The following SPNS3 variants were observed in gnomAD, a reference collection of about 807,000 sequenced individuals.
SPNS3 encodes SPNS lysolipid transporter 3, sphingosine-1-phosphate (putative).
SPNS3 carries 51 observed loss-of-function variants against 54.4 expected under a neutral mutation model. The observed-to-expected ratio is 0.94, with a 90% confidence interval of 0.75 to 1.18. The LOEUF is 1.18. Among genes scored for constraint, SPNS3 ranks in the 50% most tolerant of loss-of-function variants. The probability of loss-of-function intolerance (pLI) is 0.00; values close to 1 mark genes in which losing one functional copy is unlikely to be tolerated. For synonymous variants in SPNS3, 309 were observed against 294.7 expected, an observed-to-expected ratio of 1.05 and a Z score of -0.50; for missense variants, 669 against 677.4, an observed-to-expected ratio of 0.99 and a Z score of 0.14.
At chr17:4,464,548 G>C (rs893963883) in intron 8 of SPNS3, among the ~76,000 whole-genome samples, 3 of 152,186 alleles carry the variant, frequency 2.0e-5, no homozygotes, top group African/African-American at 7.2e-5. Context: ...CTTACCAGTT[G>C]TGTGACTTGT....
intron 8 of SPNS3, among the ~76,000 whole-genome samples, chr17:4,471,664 C>T (rs1347718002): frequency 1.3e-5 from 2 of 151,902 alleles, no homozygotes. Flanking sequence ...CAGGGTTTCA[C>T]CATGTTTCCC....
chr17:4,463,405 A>AC lies in SPNS3; in HGVS notation c.1113+10200_1113+10201insC, dbSNP rs1279886434. On this transcript the variant is annotated intron_variant, in intron 8 of 11. Transcript: ENST00000355530. The stretch of plus-strand genomic sequence containing the variant: ...AAGCAAGACTCTGTCTCAAAAAAAA[A>AC]AAAAAACAAAACAAAACAAAAAACC... Among the ~76,000 whole-genome samples the AC allele has an allele frequency of 6.8e-3, 973 of 143,250 alleles. 16 individuals are homozygous for AC. The highest frequency in any genetic ancestry group is 0.025 in the African/African-American group (925 of 37,384). The allele number at this position is 143,250 out of a possible 152,430, so 94.0% of individuals were successfully genotyped here.
chr17:4,456,017 A>G (rs1200094829), intron 8 of SPNS3, among the ~76,000 whole-genome samples: 3 of 151,934 alleles, frequency 2.0e-5, no homozygotes, highest in African/African-American at 7.3e-5. Context: ...GGCTCTCACT[A>G]TGTTGCTCAG....
chr17:4,468,511 T>C (rs1971745969), intron 8 of SPNS3, among the ~76,000 whole-genome samples: 1 of 151,554 alleles, frequency 6.6e-6, no homozygotes, highest in Non-Finnish European at 1.5e-5. Flanking sequence ...CCAGGGCGGC[T>C]CCAAGGTTTT....
chr17:4,453,291 TATGTACAATTATGTTG>T, intron 8 of SPNS3, 86 bp downstream of exon 8: 1 of 1,219,248 alleles, frequency 8.2e-7, no homozygotes, highest in Non-Finnish European at 1.1e-6. Context: ...GCCCGGCCTT[TATGTACAATTATGTTG>T]ATCACTCCTT....
In SPNS3 at chr17:4,445,433, T is replaced by C. The variant is rs561103356; in HGVS notation, c.402+265T>C. ...TCTTGTTGCCCAGGCTGGAGTGCAATGGCGTGATCTCGACTCACTGCAAAC... is the reference window on the plus strand; with the variant it reads ...TCTTGTTGCCCAGGCTGGAGTGCAACGGCGTGATCTCGACTCACTGCAAAC... On this transcript the variant is annotated intron_variant, in intron 3 of 11. Coordinates refer to ENST00000355530, the MANE Select transcript of SPNS3 (RefSeq NM_182538.5). Among the ~76,000 whole-genome samples the C allele has an allele frequency of 5.3e-5, 8 of 151,134 alleles. No homozygotes were observed. The East Asian group carries it at 1.2e-3, about 22-fold the overall frequency.
At chr17:4,447,701 G>T (rs1339222148) in intron 5 of SPNS3, among the ~76,000 whole-genome samples, 3 of 152,206 alleles carry the variant, frequency 2.0e-5, no homozygotes, top group African/African-American at 7.2e-5. Flanking sequence ...AAGGTGGGTA[G>T]TGAGATCCCC....
intron 8 of SPNS3, among the ~76,000 whole-genome samples, chr17:4,457,747 C>T (rs1053901930): frequency 6.8e-6 from 1 of 147,822 alleles, no homozygotes; most frequent in East Asian, 1.9e-4. Context: ...GCTGCCCCCC[C>T]CTCACCCCCT....
In SPNS3 at chr17:4,486,079, G is replaced by A. The variant is rs1972304037; in HGVS notation, c.1180-149G>A. The A allele has an allele frequency of 1.7e-6, 1 of 604,606 alleles. No homozygotes were observed. Among genetic ancestry groups the A allele is most frequent in the South Asian group, 2.6e-5 (1 of 37,910 alleles). The allele number at this position is 604,606 out of a possible 1,614,324, so 37.5% of individuals were successfully genotyped here. A position where few individuals can be genotyped will look rare whatever the true frequency, so the allele number is the denominator to read the frequency against. On this transcript the variant is annotated intron_variant, in intron 9 of 11. Coordinates refer to ENST00000355530, the MANE Select transcript of SPNS3 (RefSeq NM_182538.5). The surrounding 1 kb of genome is among the most constrained non-coding windows in gnomAD (Gnocchi z 5.5). ...TTGATGTCTTGATGTTCTGGGGTGG[G>A]ACTTTAGACCTTGGGGACCGTCGAC...
intron 8 of SPNS3, among the ~76,000 whole-genome samples, chr17:4,464,162 C>T (rs1971617166): frequency 6.6e-6 from 1 of 152,236 alleles, no homozygotes; most frequent in African/African-American, 2.4e-5. Context: ...TGGGGGAGCC[C>T]ATGCCCTGTG....
In SPNS3 at chr17:4,434,066, G is replaced by T. The variant is rs758639290; in HGVS notation, c.99G>T (p.Thr33=). ...GPGRQCPPPI[T]PTSWSLPPWR... is the part of the protein sequence containing the mutation. ...GCAGGCAGTGTCCCCCTCCCATCAC[G>T]CCCACCTCCTGGAGCCTGCCCCCGT... is the stretch of plus-strand genomic sequence containing the variant. The change falls in exon 1 of 12, where the codon ACG becomes ACT. Residue 33 remains threonine (T), a synonymous_variant. Coordinates refer to ENST00000355530, the MANE Select transcript of SPNS3 (RefSeq NM_182538.5). 6.8e-6 allele frequency: 11 copies of T among 1,610,956 alleles called. No individual in the cohort carries two copies. Among genetic ancestry groups the T allele is most frequent in the African/African-American group, 1.3e-5 (1 of 74,796 alleles).
intron 8 of SPNS3, among the ~76,000 whole-genome samples, chr17:4,469,198 A>AC (rs1971788806): frequency 6.6e-6 from 1 of 151,812 alleles, no homozygotes; most frequent in African/African-American, 2.4e-5. Flanking sequence ...GGATCCTCCC[A>AC]CCTCAGCCTT....
intron 2 of SPNS3, among the ~76,000 whole-genome samples, chr17:4,444,220 CTT>C (rs201580393): frequency 2.1e-5 from 3 of 146,222 alleles, no homozygotes; most frequent in African/African-American, 5.0e-5. Context: ...TATGCTTATT[CTT>C]TTTTTTTTTT....
At chr17:4,477,800 TG>T (rs1478850452) in intron 8 of SPNS3, among the ~76,000 whole-genome samples, 1 of 152,096 alleles carries the variant, frequency 6.6e-6, no homozygotes, top group Non-Finnish European at 1.5e-5. Context: ...GGGAAGGGGA[TG>T]GCCCGGAGGG....
chr17:4,443,672 G>A (rs1397470488), intron 2 of SPNS3, among the ~76,000 whole-genome samples: 1 of 152,238 alleles, frequency 6.6e-6, no homozygotes, highest in Non-Finnish European at 1.5e-5. Flanking sequence ...AGGTCACATA[G>A]CTAGAAAGTG....
In SPNS3 at chr17:4,483,519, G is replaced by T. The variant is rs1442457832; in HGVS notation, c.1180-2709G>T. On this transcript the variant is annotated intron_variant, in intron 9 of 11. Coordinates refer to ENST00000355530, the MANE Select transcript of SPNS3 (RefSeq NM_182538.5). This position sits in a 1 kb window ranked among gnomAD's most constrained non-coding sequence, Gnocchi z 4.2. ...GTTGGGGTTCCTGGGAGAGGAGGAA[G>T]GGGCCAGCCTACCTGGACCTAACTG... The T allele has an allele frequency of 6.6e-6, 1 of 152,200 alleles. No individual in the cohort carries two copies. The highest frequency in any genetic ancestry group is 2.4e-5 in the African/African-American group (1 of 41,398). The allele number at this position is 152,200 out of a possible 1,614,324, so 9.4% of individuals were successfully genotyped here.
chr17:4,450,259 T>C (rs1824134455), intron 7 of SPNS3, among the ~76,000 whole-genome samples: 1 of 150,228 alleles, frequency 6.7e-6, no homozygotes. Flanking sequence ...TCCTCCTCCT[T>C]CCTCCTCTTT....
At chr17:4,447,321 G>T (rs1971025247) in intron 5 of SPNS3, among the ~76,000 whole-genome samples, 1 of 152,230 alleles carries the variant, frequency 6.6e-6, no homozygotes, top group African/African-American at 2.4e-5. Context: ...GCAGGGTCAG[G>T]GTGTAGAGTA....
chr17:4,459,971 C>T (rs1023122982), intron 8 of SPNS3, among the ~76,000 whole-genome samples: 1 of 151,906 alleles, frequency 6.6e-6, no homozygotes, highest in East Asian at 1.9e-4. Flanking sequence ...GTAGGGTGGC[C>T]AGAGAGACCT....
Sources: allele counts gnomAD v4.1 joint callset (sites outside exome capture counted in the v4.1 genomes callset), GRCh38; gene constraint gnomAD v4.1.1; non-coding constraint Gnocchi (gnomAD v3.1); transcripts MANE v1.5; gene names NCBI Gene and HGNC (gene_info 2026-07-23, HGNC 2026-07-21).